DMD: variants seen among roughly 807,000 people sequenced by gnomAD.
The protein encoded by DMD is dystrophin.
A neutral mutation model predicts 330.1 loss-of-function variants in DMD; 63 were observed. The observed-to-expected ratio is 0.19, with a 90% CI of 0.16 to 0.24. The LOEUF (loss-of-function observed/expected upper bound fraction) is 0.24. Among genes scored for constraint, DMD ranks in the 10% least tolerant of loss-of-function variants. The pLI is 1.00. For synonymous variants in DMD, 1,223 were observed against 959.8 expected (o/e 1.27, Z -5.07); for missense variants, 3,344 against 2,684.1 (o/e 1.25, Z -5.43).
Position 32,865,502 on chromosome X carries a change from G to C in DMD, c.94-15682C>G, listed in dbSNP as rs1480782535. Among the ~76,000 whole-genome samples, 3 of 111,352 alleles carry C rather than the reference G, an allele frequency of 2.7e-5. No homozygotes were observed. In the South Asian group the frequency reaches 1.1e-3, roughly 42 times the overall value. On this transcript the variant is annotated intron_variant, in intron 2 of 78. Coordinates refer to ENST00000357033, the MANE Select transcript of DMD (RefSeq NM_004006.3). ...CACATGCTAAGGATCAGATGAAATA[G>C]ACGCACTGTTCAAGGAACTATAAGC... is the stretch of plus-strand genomic sequence containing the variant.
intron 49 of DMD, among the ~76,000 whole-genome samples, chrX:31,834,698 G>A (rs1269133155): frequency 5.4e-5 from 6 of 111,500 alleles, no homozygotes; most frequent in East Asian, 2.8e-4. Flanking sequence ...CCTCGGCCTC[G>A]CAAAGTGCTG....
intron 50 of DMD, among the ~76,000 whole-genome samples, chrX:31,816,154 G>A (rs2092620157): frequency 8.9e-6 from 1 of 111,924 alleles, no homozygotes; most frequent in Admixed American, 9.5e-5. Flanking sequence ...TAAGTTTTGG[G>A]GTGCTTCTAT....
intron 2 of DMD, among the ~76,000 whole-genome samples, chrX:32,868,442 G>A (rs2082690779): frequency 9.0e-6 from 1 of 111,687 alleles, no homozygotes; most frequent in Admixed American, 9.5e-5. Context: ...TAAGAGAACT[G>A]AGCTGCTGTG....
intron 7 of DMD, among the ~76,000 whole-genome samples, chrX:32,791,022 G>A (rs1339190173): frequency 9.0e-6 from 1 of 110,731 alleles, no homozygotes; most frequent in African/African-American, 3.3e-5. Flanking sequence ...GAGACCTGGG[G>A]CTCTCCCACC....
At chrX:33,266,860 C>T (rs764833231) in intron 1 of DMD, among the ~76,000 whole-genome samples, 13 of 110,752 alleles carry the variant, frequency 1.2e-4, no homozygotes, top group Middle Eastern at 4.8e-3. Flanking sequence ...ATAATAAGAA[C>T]CATCTATGAC....
intron 17 of DMD, among the ~76,000 whole-genome samples, chrX:32,533,234 C>G (rs1303700606): frequency 9.0e-6 from 1 of 111,164 alleles, no homozygotes; most frequent in Non-Finnish European, 1.9e-5. Flanking sequence ...TGCAATGGCT[C>G]CCCATGACCA....
chrX:32,643,129 C>T (rs1177073263), intron 11 of DMD, among the ~76,000 whole-genome samples: 1 of 111,230 alleles, frequency 9.0e-6, no homozygotes, highest in Non-Finnish European at 1.9e-5. Flanking sequence ...ACCACGATCA[C>T]AGCAGGCGAA....
At chrX:32,887,774 A>AAAAAAAAAAAAC (rs1368313935) in intron 2 of DMD, among the ~76,000 whole-genome samples, 1 of 103,531 alleles carries the variant, frequency 9.7e-6, no homozygotes, top group Non-Finnish European at 1.9e-5. Context: ...AAAAAAAAAA[A>AAAAAAAAAAAAC]AACATCAACT....
At chrX:31,225,132 T>C (rs1039513072) in intron 63 of DMD, among the ~76,000 whole-genome samples, 1 of 112,705 alleles carries the variant, frequency 8.9e-6, no homozygotes, top group Non-Finnish European at 1.9e-5. Flanking sequence ...GTTTAAATTA[T>C]GCCCTGATAA....
At chrX:31,703,137 G>A (rs1250242212) in intron 52 of DMD, among the ~76,000 whole-genome samples, 1 of 111,326 alleles carries the variant, frequency 9.0e-6, no homozygotes, top group Non-Finnish European at 1.9e-5. Flanking sequence ...TGAAAATCTT[G>A]GTCTTTCATC....
chrX:32,689,811 A>C (rs1374035477), intron 9 of DMD, among the ~76,000 whole-genome samples: 2 of 111,451 alleles, frequency 1.8e-5, no homozygotes, highest in African/African-American at 3.3e-5. Context: ...TCATTTCATT[A>C]GATGCTGAAA....
chrX:32,987,619 G>A (rs1208381220), intron 2 of DMD, among the ~76,000 whole-genome samples: 1 of 110,903 alleles, frequency 9.0e-6, no homozygotes, highest in Non-Finnish European at 1.9e-5. Context: ...CTAATTAAAG[G>A]AGAAAATTCT....
intron 57 of DMD, among the ~76,000 whole-genome samples, chrX:31,485,754 C>T (rs1439210877): frequency 8.9e-6 from 1 of 111,844 alleles, no homozygotes; most frequent in African/African-American, 3.2e-5. Flanking sequence ...CCGTGCTTTT[C>T]AAAACACAGA....
chrX:31,464,512 G>C (rs16989652), intron 59 of DMD, among the ~76,000 whole-genome samples: 3 of 111,957 alleles, frequency 2.7e-5, no homozygotes, highest in Non-Finnish European at 5.6e-5. Context: ...TTATGCTTTC[G>C]ATGTGGAAGG....
intron 1 of DMD, among the ~76,000 whole-genome samples, chrX:33,065,641 A>G: frequency 8.9e-6 from 1 of 112,451 alleles, no homozygotes; most frequent in Non-Finnish European, 1.9e-5. Context: ...TGGAATTCCT[A>G]TGCCAGCAGG....
chrX:32,545,901 G>A (rs192539875), intron 16 of DMD, among the ~76,000 whole-genome samples: 61 of 110,143 alleles, frequency 5.5e-4, no homozygotes, highest in African/African-American at 1.7e-3. Context: ...CATAAAGTAT[G>A]TATTAGTCCA....
chrX:31,214,822 G>GGT (rs1394759474), intron 64 of DMD, among the ~76,000 whole-genome samples: 7 of 109,910 alleles, frequency 6.4e-5, no homozygotes, highest in Non-Finnish European at 1.3e-4. Flanking sequence ...TGCATTGTGT[G>GGT]GTGTGTGTGT....
chrX:31,464,716 T>C (rs900539080), intron 59 of DMD, among the ~76,000 whole-genome samples: 1 of 112,630 alleles, frequency 8.9e-6, no homozygotes, highest in Non-Finnish European at 1.9e-5. Context: ...TAGTAGAAAA[T>C]GGCAATTCTA....
intron 1 of DMD, among the ~76,000 whole-genome samples, chrX:33,071,121 T>A (rs2094748593): frequency 9.0e-6 from 1 of 111,226 alleles, no homozygotes; most frequent in South Asian, 3.8e-4. Context: ...TTGAACAAGT[T>A]ACTCAACCTC....
Sources: allele counts gnomAD v4.1 joint callset (sites outside exome capture counted in the v4.1 genomes callset), GRCh38; gene constraint gnomAD v4.1.1; transcripts MANE v1.5; gene names NCBI Gene and HGNC (gene_info 2026-07-23, HGNC 2026-07-21).